The following WWTR1 variants were observed in gnomAD, a reference collection of about 807,000 sequenced individuals.
The protein encoded by WWTR1 is WW domain-containing transcription regulator protein 1.
WWTR1 carries 13 observed loss-of-function variants against 40.1 expected under a neutral mutation model. That is an observed-to-expected ratio of 0.32 (90% CI 0.21 to 0.52). WWTR1 has a LOEUF of 0.52. Among genes scored for constraint, WWTR1 ranks in the 20% least tolerant of loss-of-function variants. The pLI is 0.97. For synonymous variants in WWTR1, 230 were observed against 210.1 expected, an observed-to-expected ratio of 1.09 and a Z score of -0.82; for missense variants, 436 against 523.1, an observed-to-expected ratio of 0.83 and a Z score of 1.63.
chr3:149,683,762 A>G (rs76004737), intron 1 of WWTR1, among the ~76,000 whole-genome samples: 94 of 152,332 alleles, frequency 6.2e-4, no homozygotes, highest in Non-Finnish European at 8.4e-4. Context: ...CAAAGAGTAG[A>G]TAAGCGAGTG....
chr3:149,621,369 G>A (rs1740256319), intron 2 of WWTR1, among the ~76,000 whole-genome samples: 5 of 152,128 alleles, frequency 3.3e-5, no homozygotes, highest in South Asian at 2.1e-4. Flanking sequence ...GTTATTGGAA[G>A]GAAGCAGAAA....
chr3:149,555,679 C>A (rs1265334714), intron 3 of WWTR1, among the ~76,000 whole-genome samples: 1 of 152,038 alleles, frequency 6.6e-6, no homozygotes, highest in Non-Finnish European at 1.5e-5. Flanking sequence ...AGAATATTAA[C>A]AGTGGTGGTG....
chr3:149,681,874 A>T (rs1325234507), intron 1 of WWTR1, among the ~76,000 whole-genome samples: 1 of 152,190 alleles, frequency 6.6e-6, no homozygotes, highest in Non-Finnish European at 1.5e-5. Context: ...AAATAGTCAA[A>T]TTTATAGAAG....
intron 2 of WWTR1, chr3:149,575,938 G>T (rs1283419627): frequency 2.2e-6 from 1 of 456,186 alleles, no homozygotes; most frequent in African/African-American, 2.0e-5. Context: ...AGTGCAGTGG[G>T]AGCCTCCACG....
intron 1 of WWTR1, among the ~76,000 whole-genome samples, chr3:149,697,781 T>C (rs1159967794): frequency 6.6e-6 from 1 of 152,188 alleles, no homozygotes; most frequent in Non-Finnish European, 1.5e-5. Context: ...CTTCTATCTA[T>C]AAACCTGTAA....
intron 2 of WWTR1, among the ~76,000 whole-genome samples, chr3:149,605,630 G>T (rs936725380): frequency 1.3e-5 from 2 of 152,126 alleles, no homozygotes; most frequent in African/African-American, 4.8e-5. Flanking sequence ...AAAGAATAGG[G>T]TATCCAGCAC....
chr3:149,592,788 C>A (rs528544743), intron 2 of WWTR1, among the ~76,000 whole-genome samples: 2 of 152,166 alleles, frequency 1.3e-5, no homozygotes, highest in African/African-American at 4.8e-5. Flanking sequence ...ATAAAGCTTC[C>A]CTTGGTTCGG....
At chr3:149,586,656 CT>C (rs963690186) in intron 2 of WWTR1, among the ~76,000 whole-genome samples, 60 of 151,950 alleles carry the variant, frequency 3.9e-4, no homozygotes, top group African/African-American at 1.4e-3. Context: ...AATGAGGTGA[CT>C]GTTGGTGGGC....
chr3:149,524,263 C>T (rs543732282), intron 6 of WWTR1, among the ~76,000 whole-genome samples: 8 of 152,046 alleles, frequency 5.3e-5, no homozygotes, highest in African/African-American at 1.9e-4. Context: ...AAATAAAACA[C>T]TCCCTACTTA....
intron 1 of WWTR1, among the ~76,000 whole-genome samples, chr3:149,673,071 T>C (rs950275807): frequency 6.6e-6 from 1 of 152,102 alleles, no homozygotes; most frequent in African/African-American, 2.4e-5. Context: ...GGAGTAAAAA[T>C]AAATGTTTTA....
At chr3:149,547,114 A>T (rs1444461820) in intron 3 of WWTR1, among the ~76,000 whole-genome samples, 1 of 152,108 alleles carries the variant, frequency 6.6e-6, no homozygotes, top group African/African-American at 2.4e-5. Context: ...GAAAAAGAGA[A>T]ACAAAGTCCT....
chr3:149,554,811 CA>C (rs1736750685), intron 3 of WWTR1, among the ~76,000 whole-genome samples: 1 of 152,196 alleles, frequency 6.6e-6, no homozygotes, highest in African/African-American at 2.4e-5. Flanking sequence ...TGGCCCGTGG[CA>C]GGAAGCACCT....
At chr3:149,522,908 C>A (rs938955017) in intron 6 of WWTR1, among the ~76,000 whole-genome samples, 3 of 151,106 alleles carry the variant, frequency 2.0e-5, no homozygotes, top group African/African-American at 4.9e-5. Flanking sequence ...AAAAAAACCC[C>A]AAAAAAACAG....
chr3:149,692,697 G>A (rs1464449703), intron 1 of WWTR1, among the ~76,000 whole-genome samples: 1 of 152,060 alleles, frequency 6.6e-6, no homozygotes, highest in East Asian at 1.9e-4. Context: ...GCAATGGTGC[G>A]ATCTCAGCTC....
intron 4 of WWTR1, among the ~76,000 whole-genome samples, chr3:149,541,263 C>T (rs918429738): frequency 6.6e-6 from 1 of 152,208 alleles, no homozygotes; most frequent in South Asian, 2.1e-4. Flanking sequence ...AAGAATTCTG[C>T]TCTTCCATAG....
chr3:149,630,986 T>C (rs186667139), intron 2 of WWTR1, among the ~76,000 whole-genome samples: 41 of 152,284 alleles, frequency 2.7e-4, no homozygotes, highest in Non-Finnish European at 4.9e-4. Context: ...CAGAAACAAA[T>C]ATTCTTTTGT....
chr3:149,605,956 A>G (rs1284522867), intron 2 of WWTR1, among the ~76,000 whole-genome samples: 1 of 152,114 alleles, frequency 6.6e-6, no homozygotes, highest in Non-Finnish European at 1.5e-5. Flanking sequence ...TTGAAATATA[A>G]CCTCCCAACA....
chr3:149,558,262 A>G (rs1343126547), intron 3 of WWTR1, among the ~76,000 whole-genome samples: 1 of 152,066 alleles, frequency 6.6e-6, no homozygotes, highest in African/African-American at 2.4e-5. Flanking sequence ...TCTAATAAAC[A>G]TAGCCTACCT....
chr3:149,626,601 A>G (rs983256003), intron 2 of WWTR1, among the ~76,000 whole-genome samples: 1 of 152,042 alleles, frequency 6.6e-6, no homozygotes, highest in Non-Finnish European at 1.5e-5. Context: ...GAAAATCCCA[A>G]AGCAGGCTGA....
Sources: allele counts gnomAD v4.1 joint callset (sites outside exome capture counted in the v4.1 genomes callset), GRCh38; gene constraint gnomAD v4.1.1; transcripts MANE v1.5; gene names NCBI Gene and HGNC (gene_info 2026-07-23, HGNC 2026-07-21).